Variants in KPNA6 observed in about 807,000 individuals in gnomAD.
KPNA6 encodes the protein karyopherin subunit alpha 6, also known as importin subunit alpha-7.
KPNA6 carries 9 observed loss-of-function variants against 72.0 expected under a neutral mutation model. The ratio of observed to expected loss-of-function variants is 0.13; its 90% confidence interval spans 0.08 to 0.22. The LOEUF (loss-of-function observed/expected upper bound fraction) is 0.22. Among genes scored for constraint, KPNA6 ranks in the 10% least tolerant of loss-of-function variants. KPNA6 has a pLI of 1.00. For synonymous variants in KPNA6, 219 were observed against 242.1 expected, an observed-to-expected ratio of 0.90 and a Z score of 0.89; for missense variants, 374 against 655.7, an observed-to-expected ratio of 0.57 and a Z score of 4.69.
In KPNA6 at chr1:32,147,650, C is replaced by CTT. The variant is rs915571659; in HGVS notation, c.5-6912_5-6911dup. ...CCTTCTGACTTTCGTGATTTCTTTTCTTTTTTTTTTTTTTTTTTTTTTTTT... is the reference window on the plus strand; with the variant it reads ...CCTTCTGACTTTCGTGATTTCTTTTCTTTTTTTTTTTTTTTTTTTTTTTTTTT... On this transcript the variant is annotated intron_variant, in intron 1 of 13. Transcript: ENST00000373625. 1.6e-3 allele frequency among the ~76,000 whole-genome samples: 129 copies of CTT among 81,870 alleles called. 5 individuals carry two copies. Among genetic ancestry groups the CTT allele is most frequent in the African/African-American group, 3.3e-3 (66 of 20,306 alleles). 53.7% of individuals were successfully genotyped at this position (81,870 alleles called of 152,430 possible). A position where few individuals can be genotyped will look rare whatever the true frequency, so the allele number is the denominator to read the frequency against.
Position 32,169,891 on chromosome 1 carries a change from C to T in KPNA6, c.1254C>T (p.Val418=). Residue 418 remains valine (V), a synonymous_variant, in exon 13 of 14, where the codon GTC becomes GTT. Transcript: ENST00000373625. ...GGTCTCTGGCCCCTAGGTACCTGGT[C>T]TCACTGGGCTGCATCAAACCCCTAT... ...GGTPEQIRYL[V]SLGCIKPLCD... The T allele has an allele frequency of 1.9e-6, 3 of 1,613,778 alleles. No homozygotes were observed.
At chr1:32,124,507 C>CTT (rs562731872) in intron 1 of KPNA6, among the ~76,000 whole-genome samples, 104 of 131,556 alleles carry the variant, frequency 7.9e-4, no homozygotes, top group East Asian at 1.4e-3. Flanking sequence ...GAGGCCTCAT[C>CTT]TTTTTTTTTT....
At chr1:32,128,577 A>T (rs547828897) in intron 1 of KPNA6, among the ~76,000 whole-genome samples, 1 of 151,362 alleles carries the variant, frequency 6.6e-6, no homozygotes, top group East Asian at 1.9e-4. Context: ...TCCTAGAGTG[A>T]TTACTGTTCA....
chr1:32,119,032 A>ATTTTTTTTTT (rs71006332), intron 1 of KPNA6, among the ~76,000 whole-genome samples: 3 of 40,278 alleles, frequency 7.4e-5, no homozygotes, highest in African/African-American at 1.0e-4. Context: ...ATATATATAT[A>ATTTTTTTTTT]TTTTTTTTTT....
chr1:32,136,288 A>G (rs1420633113), intron 1 of KPNA6, among the ~76,000 whole-genome samples: 1 of 151,494 alleles, frequency 6.6e-6, no homozygotes, highest in Non-Finnish European at 1.5e-5. Flanking sequence ...CTCCTGCCTC[A>G]GCCTCCCAAG....
At chr1:32,160,757 G>A (rs2124076022) in intron 7 of KPNA6, 54 bp downstream of exon 7, 7 of 1,233,588 alleles carry the variant, frequency 5.7e-6, no homozygotes, top group Non-Finnish European at 8.4e-6. Flanking sequence ...CCACGTGGCA[G>A]GTCATTTGGG....
rs1396732879 is a variant in KPNA6 at position 32,173,629 on chromosome 1, TCTC to T, written c.*2742_*2744del. 1 of 152,312 alleles carries T rather than the reference TCTC, an allele frequency of 6.6e-6. No individual in the cohort carries two copies. The highest frequency in any genetic ancestry group is 1.5e-5 in the Non-Finnish European group (1 of 68,094). The allele number at this position is 152,312 out of a possible 1,614,324, so 9.4% of individuals were successfully genotyped here. Reference sequence around the variant, plus strand: ...AGAGGTAGTAATATCATCTTTTCTATCTCCTCCTCTCCTTTGGCCATGTAATGA... The same window carrying T: ...AGAGGTAGTAATATCATCTTTTCTATCTCCTCTCCTTTGGCCATGTAATGA... On this transcript the variant is annotated 3_prime_UTR_variant, in exon 14 of 14. Coordinates refer to ENST00000373625, the MANE Select transcript of KPNA6 (RefSeq NM_012316.5).
At chr1:32,109,893 T>C (rs1200374212) in intron 1 of KPNA6, among the ~76,000 whole-genome samples, 1 of 151,792 alleles carries the variant, frequency 6.6e-6, no homozygotes, top group Middle Eastern at 3.4e-3. Context: ...CCTGACCTCG[T>C]GATCCTCCCG....
At chr1:32,135,961 C>A (rs1442798369) in intron 1 of KPNA6, among the ~76,000 whole-genome samples, 2 of 152,110 alleles carry the variant, frequency 1.3e-5, no homozygotes, top group African/African-American at 4.8e-5. Flanking sequence ...TCTTTGCCAA[C>A]AGGACACTTA....
chr1:32,122,434 A>C (rs942733785), intron 1 of KPNA6, among the ~76,000 whole-genome samples: 1 of 151,876 alleles, frequency 6.6e-6, no homozygotes, highest in Non-Finnish European at 1.5e-5. Context: ...TGTACTTGGT[A>C]AGTGGCCTGT....
At chr1:32,149,131 G>C (rs749286030) in intron 1 of KPNA6, among the ~76,000 whole-genome samples, 2 of 151,666 alleles carry the variant, frequency 1.3e-5, no homozygotes, top group Non-Finnish European at 2.9e-5. Context: ...CTATCTGCTT[G>C]TATCTGCTGT....
Position 32,174,239 on chromosome 1 carries a change from C to T in KPNA6, c.*3345C>T, listed in dbSNP as rs985318641. 1 of 152,384 alleles carries T rather than the reference C, an allele frequency of 6.6e-6. No individual in the cohort carries two copies. Among genetic ancestry groups the T allele is most frequent in the Admixed American group, 6.5e-5 (1 of 15,276 alleles). 9.4% of individuals were successfully genotyped at this position (152,384 alleles called of 1,614,324 possible). On this transcript the variant is annotated 3_prime_UTR_variant, in exon 14 of 14. Transcript: ENST00000373625. The stretch of plus-strand genomic sequence containing the variant: ...TGCTCCTTACCTAGAGCCCATTAAT[C>T]TACCCCATCAACTCTCTGCCATGAA...
intron 1 of KPNA6, among the ~76,000 whole-genome samples, chr1:32,120,050 ATACT>A (rs1422033017): frequency 6.6e-6 from 1 of 151,624 alleles, no homozygotes; most frequent in African/African-American, 2.4e-5. Context: ...TTTTTAAATA[ATACT>A]TACTGCTTTG....
At chr1:32,139,112 C>T (rs1048741720) in intron 1 of KPNA6, among the ~76,000 whole-genome samples, 11 of 152,090 alleles carry the variant, frequency 7.2e-5, no homozygotes, top group Admixed American at 6.6e-5. Flanking sequence ...TCTGGAACAA[C>T]GTATATGCTC....
chr1:32,162,015 G>A lies in KPNA6; in HGVS notation c.716G>A (p.Arg239Gln), dbSNP rs1308549405. The change falls in exon 8 of 14, where the codon CGA (arginine) becomes CAA (glutamine). Residue 239 changes from arginine (R) to glutamine (Q), a missense_variant. Physicochemically the swap from Arg to Gln is conservative, Grantham distance 43. Around this residue, in one of 3 missense-constraint regions of KPNA6, gnomAD observed 298 missense variants for 495.4 expected, o/e 0.60. Coordinates refer to ENST00000373625, the MANE Select transcript of KPNA6 (RefSeq NM_012316.5). ...NAVWALSNLC[R>Q]GKNPPPEFAK... ...GTCTGGGCCCTGTCAAATCTCTGCCGAGGGAAAAACCCACCCCCAGAGTTT... is the reference window on the plus strand; with the variant it reads ...GTCTGGGCCCTGTCAAATCTCTGCCAAGGGAAAAACCCACCCCCAGAGTTT... The A allele has an allele frequency of 1.9e-6, 3 of 1,613,874 alleles. No homozygotes were observed. The highest frequency in any genetic ancestry group is 2.5e-6 in the Non-Finnish European group (3 of 1,179,972).
At chr1:32,129,136 C>T (rs1641591750) in intron 1 of KPNA6, among the ~76,000 whole-genome samples, 1 of 150,142 alleles carries the variant, frequency 6.7e-6, no homozygotes, top group Non-Finnish European at 1.5e-5. Context: ...CTCCCTCCCT[C>T]CCTTCCTTCC....
At chr1:32,153,408 A>G (rs997565947) in intron 1 of KPNA6, among the ~76,000 whole-genome samples, 17 of 151,868 alleles carry the variant, frequency 1.1e-4, no homozygotes, top group African/African-American at 3.9e-4. Flanking sequence ...TCTACTAAAA[A>G]TACAAAAATT....
At chr1:32,124,032 CAAAAA>C (rs771086945) in intron 1 of KPNA6, among the ~76,000 whole-genome samples, 10 of 43,124 alleles carry the variant, frequency 2.3e-4, no homozygotes, top group East Asian at 6.6e-4. Flanking sequence ...GACTCTGTCT[CAAAAA>C]AAAAAAAAAA....
chr1:32,123,471 T>C (rs1195731665), intron 1 of KPNA6, among the ~76,000 whole-genome samples: 1 of 152,138 alleles, frequency 6.6e-6, no homozygotes, highest in South Asian at 2.1e-4. Flanking sequence ...CGGGGCATGG[T>C]GGCTCATGTC....
Sources: allele counts gnomAD v4.1 joint callset (sites outside exome capture counted in the v4.1 genomes callset), GRCh38; gene constraint gnomAD v4.1.1; regional missense constraint gnomAD v4.1.1; transcripts MANE v1.5; gene names NCBI Gene and HGNC (gene_info 2026-07-23, HGNC 2026-07-21).